HHAT: variants seen among roughly 807,000 people sequenced by gnomAD.
HHAT encodes the protein hedgehog acyltransferase, also known as protein-cysteine N-palmitoyltransferase HHAT.
In HHAT, 47 loss-of-function variants were observed where a neutral mutation model predicts 70.8. The observed-to-expected ratio is 0.66, with a 90% CI of 0.53 to 0.85. The LOEUF (loss-of-function observed/expected upper bound fraction) is 0.85. HHAT is among the 40% of genes least tolerant of loss of function. The probability of loss-of-function intolerance (pLI) is 0.00; values close to 1 mark genes in which losing one functional copy is unlikely to be tolerated. For missense variants in HHAT, 609 were observed against 604.8 expected (o/e 1.01, Z -0.07); for synonymous variants, 228 against 247.6 (o/e 0.92, Z 0.74).
chr1:210,563,039 C>T (rs373381635), intron 9 of HHAT, among the ~76,000 whole-genome samples: 49 of 152,164 alleles, frequency 3.2e-4, no homozygotes, highest in African/African-American at 5.1e-4. Flanking sequence ...AAACTTGGCT[C>T]GGAGCCTCGC....
intron 3 of HHAT, among the ~76,000 whole-genome samples, chr1:210,383,233 G>C (rs1213779719): frequency 6.6e-6 from 1 of 152,130 alleles, no homozygotes; most frequent in Non-Finnish European, 1.5e-5. Flanking sequence ...CCAGCTACTT[G>C]GGAGGCTGAG....
chr1:210,456,819 T>C (rs1392975101), intron 7 of HHAT, among the ~76,000 whole-genome samples: 1 of 152,230 alleles, frequency 6.6e-6, no homozygotes, highest in African/African-American at 2.4e-5. Context: ...TAGAGATGAC[T>C]GAATTCCTTT....
At position 210,562,600 on chromosome 1, in the gene HHAT, T is replaced by C. The variant is rs187064440; in HGVS notation, c.1044-25298T>C. 8.5e-4 allele frequency among the ~76,000 whole-genome samples: 130 copies of C among 152,256 alleles called. 1 individual carries two copies. The highest frequency in any genetic ancestry group is 3.1e-3 in the African/African-American group (128 of 41,556). ...TATGCCAGGCATGTTTTGAGCTCTTTGTGTTCAATGTCTTGGTTAAGCTTT... is the reference window on the plus strand; with the variant it reads ...TATGCCAGGCATGTTTTGAGCTCTTCGTGTTCAATGTCTTGGTTAAGCTTT... On this transcript the variant is annotated intron_variant, in intron 9 of 11. Transcript: ENST00000261458.
intron 4 of HHAT, among the ~76,000 whole-genome samples, chr1:210,394,083 G>A (rs1191246910): frequency 2.0e-5 from 3 of 152,124 alleles, no homozygotes; most frequent in Non-Finnish European, 2.9e-5. Context: ...ACAGGCTTTA[G>A]CAATTCTTGC....
chr1:210,567,093 G>A (rs1654948036), intron 9 of HHAT, among the ~76,000 whole-genome samples: 1 of 152,202 alleles, frequency 6.6e-6, no homozygotes. Context: ...AGCAATGGTG[G>A]CAACCAAACA....
At chr1:210,674,154 C>T in intron 11 of HHAT, 134 bp from the exon 12 acceptor site, 1 of 689,572 alleles carries the variant, frequency 1.5e-6, no homozygotes, top group Non-Finnish European at 2.6e-6. Flanking sequence ...CTGAAGTTGT[C>T]ATTACAGCAG....
intron 3 of HHAT, among the ~76,000 whole-genome samples, chr1:210,365,895 C>T (rs2088904233): frequency 6.7e-6 from 1 of 148,772 alleles, no homozygotes; most frequent in Admixed American, 6.7e-5. Context: ...GCATTAGAAT[C>T]ATGAGCCACC....
chr1:210,648,848 A>C (rs1674582784), intron 11 of HHAT, among the ~76,000 whole-genome samples: 1 of 152,246 alleles, frequency 6.6e-6, no homozygotes, highest in African/African-American at 2.4e-5. Flanking sequence ...AAAATGCAAA[A>C]GCTGGTTGTA....
chr1:210,668,837 A>C (rs113281130), intron 11 of HHAT, among the ~76,000 whole-genome samples: 59 of 152,176 alleles, frequency 3.9e-4, no homozygotes, highest in African/African-American at 1.3e-3. Flanking sequence ...GCAGTGGTGC[A>C]ATCTCAGCTC....
At chr1:210,448,932 A>G (rs11119501) in intron 7 of HHAT, among the ~76,000 whole-genome samples, 52,439 of 151,778 alleles carry the variant, frequency 0.35, 9,435 homozygotes, top group South Asian at 0.47. Flanking sequence ...CCCTCACCTC[A>G]TGCATACATG....
chr1:210,479,261 C>T (rs1173656515), intron 8 of HHAT, among the ~76,000 whole-genome samples: 2 of 152,204 alleles, frequency 1.3e-5, no homozygotes, highest in African/African-American at 4.8e-5. Context: ...AGTCCAAATT[C>T]TCTTTGGTCA....
At chr1:210,588,781 T>C (rs1416304017) in intron 10 of HHAT, 1 of 152,322 alleles carries the variant, frequency 6.6e-6, no homozygotes, top group East Asian at 1.9e-4. Flanking sequence ...TTTCTACCAA[T>C]GGTGCATAAG....
At chr1:210,552,146 A>T (rs1321136762) in intron 9 of HHAT, among the ~76,000 whole-genome samples, 2 of 152,148 alleles carry the variant, frequency 1.3e-5, no homozygotes, top group African/African-American at 4.8e-5. Context: ...GTCTATGGAT[A>T]AACAGACTTG....
At chr1:210,590,386 CAGA>C (rs1420981374) in intron 10 of HHAT, 1 of 151,762 alleles carries the variant, frequency 6.6e-6, no homozygotes, top group Non-Finnish European at 1.5e-5. Context: ...CAGTAGTATT[CAGA>C]GTTCTCCAGA....
At chr1:210,605,012 T>TCAACAACAACAACAACAACAACAA (rs66718127) in intron 10 of HHAT, among the ~76,000 whole-genome samples, 5 of 150,736 alleles carry the variant, frequency 3.3e-5, no homozygotes, top group African/African-American at 1.2e-4. Context: ...TGGGCAAGAC[T>TCAACAACAACAACAACAACAACAA]CAACAACAAC....
chr1:210,554,781 G>T (rs2095557897), intron 9 of HHAT, among the ~76,000 whole-genome samples: 1 of 152,102 alleles, frequency 6.6e-6, no homozygotes, highest in Admixed American at 6.5e-5. Context: ...AGATCTGAGG[G>T]TCAGGAGAGA....
chr1:210,352,670 C>T (rs531197148), intron 2 of HHAT, among the ~76,000 whole-genome samples: 2 of 152,306 alleles, frequency 1.3e-5, no homozygotes, highest in South Asian at 4.1e-4. Context: ...TTGGGGACAG[C>T]AGACTGATTT....
At chr1:210,473,978 G>A (rs977365891) in intron 8 of HHAT, among the ~76,000 whole-genome samples, 1 of 152,128 alleles carries the variant, frequency 6.6e-6, no homozygotes, top group African/African-American at 2.4e-5. Context: ...ATTTGGATAT[G>A]TCAATTTCAC....
At chr1:210,635,042 G>A (rs575881095) in intron 11 of HHAT, among the ~76,000 whole-genome samples, 9 of 152,308 alleles carry the variant, frequency 5.9e-5, no homozygotes, top group Admixed American at 4.6e-4. Flanking sequence ...GCTCAGGGAT[G>A]CACCAATAAG....
Sources: allele counts gnomAD v4.1 joint callset (sites outside exome capture counted in the v4.1 genomes callset), GRCh38; gene constraint gnomAD v4.1.1; transcripts MANE v1.5; gene names NCBI Gene and HGNC (gene_info 2026-07-23, HGNC 2026-07-21).